HS3ST5: variants seen among roughly 807,000 people sequenced by gnomAD.
The protein encoded by HS3ST5 is heparan sulfate glucosamine 3-O-sulfotransferase 5.
HS3ST5 carries 10 observed loss-of-function variants against 25.4 expected under a neutral mutation model. The ratio of observed to expected loss-of-function variants is 0.39; its 90% CI spans 0.24 to 0.67. The LOEUF (loss-of-function observed/expected upper bound fraction) is 0.67. Among genes scored for constraint, HS3ST5 ranks in the 30% least tolerant of loss-of-function variants. The pLI is 0.44. For synonymous variants in HS3ST5, 170 were observed against 162.4 expected (o/e 1.05, Z -0.36); for missense variants, 324 against 420.7 (o/e 0.77, Z 2.01).
At chr6:114,299,617 C>T (rs893352392) in intron 1 of HS3ST5, among the ~76,000 whole-genome samples, 11 of 152,090 alleles carry the variant, frequency 7.2e-5, no homozygotes, top group Admixed American at 4.6e-4. Context: ...TTTCTCAACC[C>T]GGCTGACACT....
chr6:114,286,625 G>A (rs1017688178), intron 1 of HS3ST5, among the ~76,000 whole-genome samples: 3 of 151,876 alleles, frequency 2.0e-5, no homozygotes, highest in Non-Finnish European at 4.4e-5. Flanking sequence ...AAATGTATAA[G>A]AAAATTGTTA....
intron 1 of HS3ST5, among the ~76,000 whole-genome samples, chr6:114,296,940 A>G (rs552900655): frequency 6.6e-6 from 1 of 152,304 alleles, no homozygotes; most frequent in Non-Finnish European, 1.5e-5. Flanking sequence ...ACTGAACACA[A>G]AGGTGAAAGT....
In HS3ST5 at chr6:114,202,247, C is replaced by A. The variant is rs567224713; in HGVS notation, c.-145+26338G>T. ...CTAGCCTGGGCAACACAGCCAAGACCTCGTCTCTATAAAAAATTTTTAAAA... is the reference window on the plus strand; with the variant it reads ...CTAGCCTGGGCAACACAGCCAAGACATCGTCTCTATAAAAAATTTTTAAAA... On this transcript the variant is annotated intron_variant, in intron 2 of 4. Coordinates refer to ENST00000312719, the MANE Select transcript of HS3ST5 (RefSeq NM_153612.4). 2.0e-5 allele frequency among the ~76,000 whole-genome samples: 3 copies of A among 152,264 alleles called. No individual in the cohort carries two copies. The East Asian group carries it at 5.8e-4, about 29-fold the overall frequency.
At chr6:114,187,311 A>G (rs9488340) in intron 2 of HS3ST5, among the ~76,000 whole-genome samples, 66,971 of 152,082 alleles carry the variant, frequency 0.44, 14,871 homozygotes, top group Middle Eastern at 0.48. Flanking sequence ...CACCATTACA[A>G]ATGCCATTGA....
intron 3 of HS3ST5, among the ~76,000 whole-genome samples, chr6:114,165,676 C>A (rs1779174045): frequency 6.6e-6 from 1 of 152,170 alleles, no homozygotes; most frequent in South Asian, 2.1e-4. Flanking sequence ...CCTCAGGACA[C>A]TGAACCTCGC....
At chr6:114,340,650 C>A (rs1280544775) in intron 1 of HS3ST5, 1 of 152,146 alleles carries the variant, frequency 6.6e-6, no homozygotes, top group Non-Finnish European at 1.5e-5. Context: ...TTAAAAACTT[C>A]ACTAGGAGGA....
At chr6:114,130,161 AC>A (rs1777258313) in intron 3 of HS3ST5, among the ~76,000 whole-genome samples, 1 of 152,248 alleles carries the variant, frequency 6.6e-6, no homozygotes, top group South Asian at 2.1e-4. Context: ...TAAAGTAATC[AC>A]AATTAAATAA....
chr6:114,206,509 C>T (rs1781282361), intron 2 of HS3ST5, among the ~76,000 whole-genome samples: 1 of 152,090 alleles, frequency 6.6e-6, no homozygotes, highest in Admixed American at 6.5e-5. Flanking sequence ...TTTTGGGATG[C>T]AGAAACCAGA....
At chr6:114,200,805 G>A (rs1780977937) in intron 2 of HS3ST5, among the ~76,000 whole-genome samples, 1 of 152,076 alleles carries the variant, frequency 6.6e-6, no homozygotes, top group Admixed American at 6.6e-5. Context: ...AAAATAACAA[G>A]TTTCTTTAGG....
chr6:114,138,033 T>G (rs541105689), intron 3 of HS3ST5, among the ~76,000 whole-genome samples: 2 of 151,984 alleles, frequency 1.3e-5, no homozygotes, highest in Admixed American at 1.3e-4. Context: ...TAGCATTTTA[T>G]AGATTAAAAA....
At chr6:114,321,897 C>T (rs1775985549) in intron 1 of HS3ST5, among the ~76,000 whole-genome samples, 2 of 152,080 alleles carry the variant, frequency 1.3e-5, no homozygotes, top group African/African-American at 4.8e-5. Flanking sequence ...AATTTAATAA[C>T]TTGGTGACTT....
intron 2 of HS3ST5, among the ~76,000 whole-genome samples, chr6:114,176,235 ATT>A (rs1779718460): frequency 6.7e-6 from 1 of 149,520 alleles, no homozygotes; most frequent in Non-Finnish European, 1.5e-5. Flanking sequence ...ATTCTGAGGA[ATT>A]TGAGTTCTCC....
chr6:114,161,574 T>TATAA (rs1396381241), intron 3 of HS3ST5, among the ~76,000 whole-genome samples: 3 of 102,408 alleles, frequency 2.9e-5, no homozygotes, highest in Non-Finnish European at 4.0e-5. Flanking sequence ...TATATATATA[T>TATAA]AAAATGCAAT....
chr6:114,085,934 G>GC (rs377436068), intron 3 of HS3ST5, among the ~76,000 whole-genome samples: 39,818 of 98,762 alleles, frequency 0.4, 7,844 homozygotes, highest in Admixed American at 0.46. Flanking sequence ...TAAATTCATT[G>GC]CCCCCCCCCC....
intron 1 of HS3ST5, among the ~76,000 whole-genome samples, chr6:114,304,069 T>C (rs1179337369): frequency 6.6e-6 from 1 of 152,072 alleles, no homozygotes; most frequent in African/African-American, 2.4e-5. Context: ...CTGATACAAA[T>C]GTCTCTGGGA....
chr6:114,103,760 G>A (rs1198749912), intron 3 of HS3ST5, among the ~76,000 whole-genome samples: 6 of 145,068 alleles, frequency 4.1e-5, no homozygotes, highest in South Asian at 2.2e-4. Context: ...GTGCAGTGGC[G>A]GCTCACTGCA....
At chr6:114,296,380 G>A (rs1399780625) in intron 1 of HS3ST5, among the ~76,000 whole-genome samples, 2 of 152,104 alleles carry the variant, frequency 1.3e-5, no homozygotes, top group Non-Finnish European at 2.9e-5. Flanking sequence ...ATTAAATAAA[G>A]TTATTAACAT....
intron 1 of HS3ST5, among the ~76,000 whole-genome samples, chr6:114,281,554 A>G (rs1046628653): frequency 5.3e-5 from 8 of 151,986 alleles, no homozygotes; most frequent in African/African-American, 1.9e-4. Flanking sequence ...ACAGCTCACC[A>G]CTACACTGAT....
intron 2 of HS3ST5, among the ~76,000 whole-genome samples, chr6:114,216,982 C>G (rs920996689): frequency 6.6e-6 from 1 of 152,168 alleles, no homozygotes; most frequent in Non-Finnish European, 1.5e-5. Context: ...TGATTATGAG[C>G]TGACGGACAG....
Sources: gnomAD v4.1 joint callset for allele counts (sites outside exome capture counted in the v4.1 genomes callset) on GRCh38, gnomAD v4.1.1 for gene constraint, MANE v1.5 for transcripts, NCBI Gene and HGNC (gene_info 2026-07-23, HGNC 2026-07-21) for gene names.